The following ATP10A variants were observed in gnomAD, a reference collection of about 807,000 sequenced individuals.
ATP10A encodes the protein ATPase phospholipid transporting 10A (putative).
A neutral mutation model predicts 147.8 loss-of-function variants in ATP10A; 111 were observed. The observed-to-expected ratio is 0.75, with a 90% CI of 0.64 to 0.88. The LOEUF (loss-of-function observed/expected upper bound fraction) is 0.88, where lower values mean the gene tolerates loss of function less well. ATP10A is among the 40% of genes least tolerant of loss of function. The probability of loss-of-function intolerance (pLI) is 0.00; values close to 1 mark genes in which losing one functional copy is unlikely to be tolerated. For missense variants in ATP10A, 1,927 were observed against 1,959.0 expected (o/e 0.98, Z 0.31); for synonymous variants, 875 against 841.6 (o/e 1.04, Z -0.69).
chr15:25,799,289 G>A (rs748620283), intron 1 of ATP10A, among the ~76,000 whole-genome samples: 11 of 152,040 alleles, frequency 7.2e-5, no homozygotes, highest in Non-Finnish European at 1.6e-4. Context: ...AAAAACCCCC[G>A]TTATGTCCAA....
chr15:25,798,851 G>A (rs975919922), intron 1 of ATP10A, among the ~76,000 whole-genome samples: 1 of 152,134 alleles, frequency 6.6e-6, no homozygotes, highest in Non-Finnish European at 1.5e-5. Context: ...GGAGGGCACC[G>A]TGCGCCTCCC....
chr15:25,741,464 C>T (rs1887580396), intron 2 of ATP10A, among the ~76,000 whole-genome samples: 2 of 152,216 alleles, frequency 1.3e-5, no homozygotes, highest in Non-Finnish European at 2.9e-5. Context: ...TCTACATAGC[C>T]TCTAATCCGG....
Position 25,693,969 on chromosome 15 carries a change from C to G in ATP10A, c.3088+850G>C, listed in dbSNP as rs750907668. The stretch of plus-strand genomic sequence containing the variant: ...ACTGGCTGATTGATTGGCGAGGGTA[C>G]TTGATTTCTGATCCAGTTCTCACCT... On this transcript the variant is annotated intron_variant, in intron 14 of 20. Coordinates refer to ENST00000555815, the MANE Select transcript of ATP10A (RefSeq NM_024490.4). Among the ~76,000 whole-genome samples, 5 of 152,226 alleles carry G rather than the reference C, an allele frequency of 3.3e-5. 1 individual carries two copies.
chr15:25,700,713 T>C (rs1308350906), intron 13 of ATP10A, among the ~76,000 whole-genome samples: 4 of 152,132 alleles, frequency 2.6e-5, no homozygotes. Flanking sequence ...CATGGCAGAC[T>C]TTCTGGGGAT....
chr15:25,863,185 G>T lies in ATP10A; in HGVS notation c.-89C>A. The stretch of plus-strand genomic sequence containing the variant: ...TATCATCACTCGCGGCCCGGGCGCG[G>T]CGGTGCGAGCTCCCCGCCTGCGGGA... On this transcript the variant is annotated 5_prime_UTR_variant, in exon 1 of 21. Coordinates refer to ENST00000555815, the MANE Select transcript of ATP10A (RefSeq NM_024490.4). 1.1e-6 allele frequency: 1 copy of T among 917,244 alleles called. No homozygotes were observed. Among genetic ancestry groups the T allele is most frequent in the Non-Finnish European group, 1.3e-6 (1 of 747,452 alleles). 56.8% of individuals were successfully genotyped at this position (917,244 alleles called of 1,614,324 possible).
intron 16 of ATP10A, among the ~76,000 whole-genome samples, chr15:25,684,366 C>T (rs1899598618): frequency 6.6e-6 from 1 of 152,194 alleles, no homozygotes; most frequent in Non-Finnish European, 1.5e-5. Flanking sequence ...TCCTCAGTCT[C>T]GCTTTCCTTG....
intron 17 of ATP10A, among the ~76,000 whole-genome samples, chr15:25,681,480 C>A (rs1275940390): frequency 5.9e-5 from 9 of 152,138 alleles, no homozygotes; most frequent in Non-Finnish European, 1.3e-4. Context: ...ATTGCAGTGC[C>A]CTATTCCCGA....
At chr15:25,790,491 G>A (rs7359329) in intron 1 of ATP10A, among the ~76,000 whole-genome samples, 21,856 of 152,180 alleles carry the variant, frequency 0.14, 1,835 homozygotes, top group African/African-American at 0.23. Flanking sequence ...CACCCCCAGA[G>A]GGCAGGGCCT....
intron 2 of ATP10A, among the ~76,000 whole-genome samples, chr15:25,750,660 A>G (rs568758864): frequency 1.3e-4 from 20 of 152,174 alleles, no homozygotes; most frequent in African/African-American, 4.8e-4. Context: ...GTAATATATA[A>G]GCAAAATGTA....
At chr15:25,783,758 TC>T (rs1205168728) in intron 1 of ATP10A, among the ~76,000 whole-genome samples, 1 of 152,206 alleles carries the variant, frequency 6.6e-6, no homozygotes, top group Non-Finnish European at 1.5e-5. Flanking sequence ...CTGAAAGTGT[TC>T]CCAAAGTTGT....
chr15:25,740,442 C>A (rs182386948), intron 2 of ATP10A, among the ~76,000 whole-genome samples: 1 of 152,258 alleles, frequency 6.6e-6, no homozygotes, highest in Admixed American at 6.5e-5. Flanking sequence ...GCAGAGAGAA[C>A]CCTGGTGAGA....
At chr15:25,706,755 A>C (rs1159014429) in intron 12 of ATP10A, among the ~76,000 whole-genome samples, 1 of 152,200 alleles carries the variant, frequency 6.6e-6, no homozygotes, top group Non-Finnish European at 1.5e-5. Context: ...CCATTTGAGA[A>C]GTTAGTGCTG....
chr15:25,679,200 CT>C lies in ATP10A; in HGVS notation c.*140del, dbSNP rs1567292594. The C allele has an allele frequency of 3.1e-6, 2 of 639,016 alleles. No individual in the cohort carries two copies. Among genetic ancestry groups the C allele is most frequent in the Non-Finnish European group, 4.3e-6 (2 of 459,884 alleles). 39.6% of individuals were successfully genotyped at this position (639,016 alleles called of 1,614,324 possible). A position where few individuals can be genotyped will look rare whatever the true frequency, so the allele number is the denominator to read the frequency against. On this transcript the variant is annotated 3_prime_UTR_variant, in exon 21 of 21. Coordinates refer to ENST00000555815, the MANE Select transcript of ATP10A (RefSeq NM_024490.4). ...CTTAGAATTTTAAAAAATAAACTTT[CT>C]TTTTTGGTACCTCTTGTTTCCTGTA... is the stretch of plus-strand genomic sequence containing the variant.
intron 1 of ATP10A, among the ~76,000 whole-genome samples, chr15:25,836,436 A>G (rs1892599366): frequency 6.6e-6 from 1 of 152,116 alleles, no homozygotes; most frequent in Admixed American, 6.5e-5. Flanking sequence ...CACACCCAAC[A>G]ACAGAGTGGC....
At chr15:25,851,330 G>C (rs1893287253) in intron 1 of ATP10A, among the ~76,000 whole-genome samples, 1 of 151,632 alleles carries the variant, frequency 6.6e-6, no homozygotes, top group African/African-American at 2.4e-5. Context: ...GGCCTAGGTT[G>C]AGTTTCCTTT....
intron 1 of ATP10A, among the ~76,000 whole-genome samples, chr15:25,836,766 C>T (rs1271479872): frequency 1.3e-5 from 2 of 152,138 alleles, no homozygotes; most frequent in African/African-American, 4.8e-5. Context: ...AGGAAGTGGG[C>T]ACTATCGTTA....
intron 10 of ATP10A, among the ~76,000 whole-genome samples, chr15:25,711,379 C>G (rs1385391): frequency 6.6e-6 from 1 of 152,082 alleles, no homozygotes; most frequent in South Asian, 2.1e-4. Context: ...TGCAATGAGT[C>G]TGCACCTATC....
chr15:25,675,311 GT>G (rs1246259213), downstream of ATP10A, among the ~76,000 whole-genome samples: 1 of 152,200 alleles, frequency 6.6e-6, no homozygotes, highest in Non-Finnish European at 1.5e-5. Flanking sequence ...TGTCACTTCT[GT>G]TGTTCCAAAA....
chr15:25,733,765 G>A (rs896629561), intron 3 of ATP10A, among the ~76,000 whole-genome samples: 3 of 152,226 alleles, frequency 2.0e-5, no homozygotes, highest in Non-Finnish European at 4.4e-5. Flanking sequence ...AGGGTTGGAC[G>A]ATGGGTGGAG....
Sources: allele counts gnomAD v4.1 joint callset (sites outside exome capture counted in the v4.1 genomes callset), GRCh38; gene constraint gnomAD v4.1.1; transcripts MANE v1.5; gene names NCBI Gene and HGNC (gene_info 2026-07-23, HGNC 2026-07-21).